The following KIAA1328 variants were observed in gnomAD, a reference collection of about 807,000 sequenced individuals.
KIAA1328 encodes the protein protein hinderin.
In KIAA1328, 52 loss-of-function variants were observed where a neutral mutation model predicts 68.1. The ratio of observed to expected loss-of-function variants is 0.76; its 90% CI spans 0.61 to 0.96. KIAA1328 has a LOEUF of 0.96. Among genes scored for constraint, KIAA1328 ranks in the 40% least tolerant of loss-of-function variants. KIAA1328 has a pLI of 0.00. For missense variants in KIAA1328, 641 were observed against 677.6 expected, an observed-to-expected ratio of 0.95 and a Z score of 0.60; for synonymous variants, 232 against 239.4, an observed-to-expected ratio of 0.97 and a Z score of 0.28.
intron 7 of KIAA1328, among the ~76,000 whole-genome samples, chr18:37,143,170 G>A (rs965933869): frequency 6.6e-6 from 1 of 152,036 alleles, no homozygotes; most frequent in Non-Finnish European, 1.5e-5. Flanking sequence ...GGTCAGGCTG[G>A]TCTCGAACTC....
intron 6 of KIAA1328, among the ~76,000 whole-genome samples, chr18:36,962,965 G>A (rs1295999166): frequency 2.0e-5 from 3 of 152,112 alleles, no homozygotes; most frequent in Non-Finnish European, 4.4e-5. Context: ...AAATAACTAA[G>A]ATCAGAGTAG....
chr18:36,900,569 A>C (rs758607961), intron 5 of KIAA1328, among the ~76,000 whole-genome samples: 7 of 151,962 alleles, frequency 4.6e-5, no homozygotes, highest in Non-Finnish European at 8.8e-5. Context: ...AGTTTTTTTC[A>C]GCATTAGTTT....
chr18:37,147,346 AT>A (rs903603299), intron 7 of KIAA1328, among the ~76,000 whole-genome samples: 5 of 150,998 alleles, frequency 3.3e-5, no homozygotes, highest in East Asian at 1.9e-4. Flanking sequence ...TAATTGATTG[AT>A]TTTTTTTTCC....
intron 7 of KIAA1328, among the ~76,000 whole-genome samples, chr18:37,079,654 C>T (rs889671145): frequency 3.3e-5 from 5 of 151,772 alleles, no homozygotes; most frequent in Non-Finnish European, 7.4e-5. Context: ...TTTGGGAGGC[C>T]GAGGTGGTGG....
chr18:36,980,030 G>A (rs750095105), intron 6 of KIAA1328, among the ~76,000 whole-genome samples: 1 of 152,124 alleles, frequency 6.6e-6, no homozygotes, highest in African/African-American at 2.4e-5. Flanking sequence ...TTGTTCTTCT[G>A]CCTTCTGCCA....
In KIAA1328 at chr18:37,141,830, A is replaced by G. The variant is rs145820614; in HGVS notation, c.1233-18370A>G. Among the ~76,000 whole-genome samples, 327 of 152,316 alleles carry G rather than the reference A, an allele frequency of 2.1e-3. 2 individuals are homozygous for G. The highest frequency in any genetic ancestry group is 7.6e-3 in the African/African-American group (316 of 41,564). Reference sequence around the variant, plus strand: ...GTGGTTTTAGTGTGCAGTTCTCCTGATGATGTTTATTGGCCATTCATATAA... The same window carrying G: ...GTGGTTTTAGTGTGCAGTTCTCCTGGTGATGTTTATTGGCCATTCATATAA... On this transcript the variant is annotated intron_variant, in intron 7 of 9. Coordinates refer to ENST00000280020, the MANE Select transcript of KIAA1328 (RefSeq NM_020776.3).
chr18:37,094,275 T>G (rs187297695), intron 7 of KIAA1328, among the ~76,000 whole-genome samples: 86 of 152,152 alleles, frequency 5.7e-4, no homozygotes, highest in African/African-American at 2.0e-3. Context: ...GGCCAGAGAT[T>G]GGTACCGGTC....
intron 4 of KIAA1328, among the ~76,000 whole-genome samples, chr18:36,868,552 G>A (rs1159131043): frequency 6.6e-6 from 1 of 152,132 alleles, no homozygotes; most frequent in Non-Finnish European, 1.5e-5. Context: ...TTAAGATAGG[G>A]AGAGGTACCA....
chr18:37,181,880 A>T (rs1248641215), intron 9 of KIAA1328, among the ~76,000 whole-genome samples: 1 of 152,220 alleles, frequency 6.6e-6, no homozygotes, highest in Non-Finnish European at 1.5e-5. Context: ...AACAATGTTT[A>T]AAAAGAAGAC....
intron 4 of KIAA1328, among the ~76,000 whole-genome samples, chr18:36,856,829 C>G (rs1333792155): frequency 1.3e-5 from 2 of 152,052 alleles, no homozygotes; most frequent in African/African-American, 4.8e-5. Context: ...CCAGAGTTTG[C>G]TGTTGTTGCT....
intron 5 of KIAA1328, among the ~76,000 whole-genome samples, chr18:36,951,326 A>G (rs1421212077): frequency 6.6e-6 from 1 of 152,188 alleles, no homozygotes. Context: ...CTGGCATCTC[A>G]TTCAGTCTCA....
chr18:37,220,032 AGCT>A (rs2060527482), intron 9 of KIAA1328, among the ~76,000 whole-genome samples: 1 of 152,200 alleles, frequency 6.6e-6, no homozygotes, highest in East Asian at 1.9e-4. Context: ...CTGACAGTGG[AGCT>A]GCTAAGAGTA....
chr18:36,971,335 A>G (rs544692464), intron 6 of KIAA1328, among the ~76,000 whole-genome samples: 100 of 152,362 alleles, frequency 6.6e-4, no homozygotes, highest in African/African-American at 2.3e-3. Flanking sequence ...ACCTAAAACC[A>G]TAAAAACCCT....
At chr18:37,125,876 T>C (rs2058377247) in intron 7 of KIAA1328, among the ~76,000 whole-genome samples, 1 of 152,212 alleles carries the variant, frequency 6.6e-6, no homozygotes, top group African/African-American at 2.4e-5. Context: ...GGTACAGATA[T>C]TCTGATGTTG....
chr18:37,200,678 G>A (rs962316998), intron 9 of KIAA1328, among the ~76,000 whole-genome samples: 1 of 151,854 alleles, frequency 6.6e-6, no homozygotes, highest in Non-Finnish European at 1.5e-5. Flanking sequence ...GGGCGCGGTG[G>A]CGGGCGCCTG....
chr18:36,891,868 T>G (rs2048700629), intron 5 of KIAA1328, among the ~76,000 whole-genome samples: 1 of 152,204 alleles, frequency 6.6e-6, no homozygotes, highest in Non-Finnish European at 1.5e-5. Flanking sequence ...ATTAGTAATA[T>G]TACATTAGTA....
chr18:36,967,459 G>A (rs1432591369), intron 6 of KIAA1328, among the ~76,000 whole-genome samples: 3 of 152,210 alleles, frequency 2.0e-5, no homozygotes. Context: ...GAACCTAGTT[G>A]AGTTGGTCTG....
intron 7 of KIAA1328, among the ~76,000 whole-genome samples, chr18:37,128,535 A>T (rs1241726084): frequency 1.3e-5 from 2 of 152,124 alleles, no homozygotes. Flanking sequence ...AGCAATGGGA[A>T]CTCTCATATG....
intron 4 of KIAA1328, among the ~76,000 whole-genome samples, chr18:36,869,471 A>G (rs932683943): frequency 4.6e-5 from 7 of 151,976 alleles, no homozygotes; most frequent in Non-Finnish European, 8.8e-5. Flanking sequence ...GAAAGGCTGT[A>G]CATGTGGATA....
Sources: gnomAD v4.1 joint callset for allele counts (sites outside exome capture counted in the v4.1 genomes callset) on GRCh38, gnomAD v4.1.1 for gene constraint, MANE v1.5 for transcripts, NCBI Gene and HGNC (gene_info 2026-07-23, HGNC 2026-07-21) for gene names.